The following UST variants were observed in gnomAD, a reference collection of about 807,000 sequenced individuals.
UST encodes the protein uronyl 2-sulfotransferase.
A neutral mutation model predicts 45.6 loss-of-function variants in UST; 21 were observed. The observed-to-expected ratio is 0.46, with a 90% confidence interval of 0.33 to 0.66. UST has a LOEUF of 0.66. UST is among the 30% of genes least tolerant of loss of function. The pLI is 0.02. For synonymous variants in UST, 215 were observed against 200.6 expected (o/e 1.07, Z -0.61); for missense variants, 463 against 512.4 (o/e 0.90, Z 0.93).
chr6:148,815,744 A>G (rs1374916163), intron 1 of UST, among the ~76,000 whole-genome samples: 2 of 152,180 alleles, frequency 1.3e-5, no homozygotes, highest in Non-Finnish European at 2.9e-5. Context: ...GTTTGGATAC[A>G]TTATTTTTAT....
rs750062534 is a variant in UST at position 148,790,288 on chromosome 6, T to A, written c.247+42611T>A. 6.6e-6 allele frequency among the ~76,000 whole-genome samples: 1 copy of A among 152,212 alleles called. No homozygotes were observed. Among genetic ancestry groups the A allele is most frequent in the Non-Finnish European group, 1.5e-5 (1 of 68,034 alleles). ...TGCCTCCAACTGGAATGAAAGCTTC[T>A]GGGAGTAGAGACCCCGTTTTGCTGT... On this transcript the variant is annotated intron_variant, in intron 1 of 7. Transcript: ENST00000367463. The surrounding 1 kb of genome is among the most constrained non-coding windows in gnomAD (Gnocchi z 4.2).
chr6:148,827,860 T>C (rs1410208396), intron 1 of UST, among the ~76,000 whole-genome samples: 2 of 152,128 alleles, frequency 1.3e-5, no homozygotes, highest in Non-Finnish European at 2.9e-5. Context: ...GTAGAGAATT[T>C]TTACCCTCAA....
intron 7 of UST, among the ~76,000 whole-genome samples, chr6:149,034,193 T>C (rs2115027466): frequency 6.6e-6 from 1 of 152,332 alleles, no homozygotes; most frequent in South Asian, 2.1e-4. Flanking sequence ...TTTGTTTCAT[T>C]TCTTGCACAA....
intron 2 of UST, among the ~76,000 whole-genome samples, chr6:148,932,647 C>T (rs1328882089): frequency 6.6e-6 from 1 of 152,000 alleles, no homozygotes; most frequent in African/African-American, 2.4e-5. Flanking sequence ...GTATTTTTTT[C>T]CTGAAGCACT....
rs561023572 is a variant in UST, at chr6:148,932,444, A to G, written c.292-8835A>G. ...CCCAGTTTATGGCTGCTTTTTGCCT[A>G]TTATTTGTGTACTGACCACAGAAGC... On this transcript the variant is annotated intron_variant, in intron 2 of 7. Transcript: ENST00000367463. Among the ~76,000 whole-genome samples, 8 of 152,310 alleles carry G rather than the reference A, an allele frequency of 5.3e-5. No homozygotes were observed. The South Asian group carries it at 1.7e-3, about 32-fold the overall frequency.
intron 3 of UST, among the ~76,000 whole-genome samples, chr6:148,948,701 T>A (rs958973407): frequency 1.3e-5 from 2 of 152,254 alleles, no homozygotes; most frequent in African/African-American, 4.8e-5. Flanking sequence ...GTTAGAACTT[T>A]CTTTCAAATT....
chr6:148,902,998 AT>A (rs1412969365), intron 2 of UST, among the ~76,000 whole-genome samples: 1 of 151,828 alleles, frequency 6.6e-6, no homozygotes, highest in African/African-American at 2.4e-5. Flanking sequence ...TATTTTTATT[AT>A]TTTTTGGTTG....
At chr6:148,957,328 C>T (rs956838527) in intron 4 of UST, among the ~76,000 whole-genome samples, 20 of 152,154 alleles carry the variant, frequency 1.3e-4, no homozygotes, top group African/African-American at 3.4e-4. Context: ...GAACATGGGA[C>T]ATTAAAAAAT....
At chr6:149,022,891 C>T (rs1775999079) in intron 7 of UST, among the ~76,000 whole-genome samples, 1 of 152,170 alleles carries the variant, frequency 6.6e-6, no homozygotes. Flanking sequence ...GGTTGTGAAA[C>T]TAGGATTTCC....
chr6:148,992,581 T>G (rs368127587), intron 5 of UST, among the ~76,000 whole-genome samples: 7 of 152,322 alleles, frequency 4.6e-5, no homozygotes, highest in African/African-American at 1.7e-4. Context: ...CCTTTAAGCA[T>G]TTGGACCACC....
chr6:148,931,520 C>T (rs563140766), intron 2 of UST, among the ~76,000 whole-genome samples: 6 of 152,264 alleles, frequency 3.9e-5, no homozygotes, highest in East Asian at 1.9e-4. Context: ...AAAAGCCAAT[C>T]GAATTGATTA....
At chr6:148,780,195 C>G (rs1054350675) in intron 1 of UST, among the ~76,000 whole-genome samples, 10 of 151,960 alleles carry the variant, frequency 6.6e-5, no homozygotes, top group Non-Finnish European at 1.3e-4. Context: ...TTGTACTTCA[C>G]AGATAATGCA....
At chr6:148,826,636 A>G (rs1777573430) in intron 1 of UST, among the ~76,000 whole-genome samples, 1 of 152,190 alleles carries the variant, frequency 6.6e-6, no homozygotes, top group South Asian at 2.1e-4. Context: ...AACTTTATGT[A>G]CCTGTATTAG....
Position 149,019,123 on chromosome 6 carries a change from G to T in UST, c.682-16G>T. ...AGAGACTACAAGACATCTGACTGCT[G>T]TATTTTCTCTTCTAGGATATCAATG... On this transcript the variant is annotated splice_polypyrimidine_tract_variant and intron_variant, in intron 5 of 7. Coordinates refer to ENST00000367463, the MANE Select transcript of UST (RefSeq NM_005715.3). 2 of 1,587,894 alleles carry T rather than the reference G, an allele frequency of 1.3e-6. No homozygotes were observed. The highest frequency in any genetic ancestry group is 1.7e-6 in the Non-Finnish European group (2 of 1,156,228).
chr6:149,035,465 C>T (rs1287337309), intron 7 of UST, among the ~76,000 whole-genome samples: 2 of 152,088 alleles, frequency 1.3e-5, no homozygotes, highest in African/African-American at 4.8e-5. Context: ...CACTAAAGAG[C>T]TAATTGCAGC....
At position 148,851,287 on chromosome 6, in the gene UST, A is replaced by AG. The variant is rs1218838306; in HGVS notation, c.248-35699_248-35698insG. 4.9e-3 allele frequency among the ~76,000 whole-genome samples: 750 copies of AG among 152,350 alleles called. 10 individuals are homozygous for AG. The highest frequency in any genetic ancestry group is 0.016 in the African/African-American group (680 of 41,578). The stretch of plus-strand genomic sequence containing the variant: ...GTATAATATATTTGTATACACACAC[A>AG]TATATATACGTACACATTTACTTAT... On this transcript the variant is annotated intron_variant, in intron 1 of 7. Transcript: ENST00000367463.
chr6:148,893,109 T>C (rs1056780671), intron 2 of UST, among the ~76,000 whole-genome samples: 3 of 152,320 alleles, frequency 2.0e-5, no homozygotes, highest in African/African-American at 7.2e-5. Context: ...GCTAATAGTA[T>C]ATTGAGGGTT....
At chr6:148,964,763 C>T (rs1034674056) in intron 5 of UST, 200 bp downstream of exon 5, 2 of 638,580 alleles carry the variant, frequency 3.1e-6, no homozygotes, top group African/African-American at 3.7e-5. Flanking sequence ...TGAACATTTC[C>T]TCAAATTATT....
intron 1 of UST, among the ~76,000 whole-genome samples, chr6:148,879,702 C>T (rs1778787421): frequency 6.6e-6 from 1 of 152,220 alleles, no homozygotes; most frequent in Non-Finnish European, 1.5e-5. Context: ...TGAACAGTTA[C>T]TAGGTGCCTA....
Sources: gnomAD v4.1 joint callset for allele counts (sites outside exome capture counted in the v4.1 genomes callset) on GRCh38, gnomAD v4.1.1 for gene constraint, Gnocchi (gnomAD v3.1) non-coding constraint, MANE v1.5 for transcripts, NCBI Gene and HGNC (gene_info 2026-07-23, HGNC 2026-07-21) for gene names.